The following FBXL4 variants were observed in gnomAD, a reference collection of about 807,000 sequenced individuals.
FBXL4 encodes F-box and leucine rich repeat protein 4, also known as F-box/LRR-repeat protein 4.
FBXL4 carries 40 observed loss-of-function variants against 58.9 expected under a neutral mutation model. The observed-to-expected ratio is 0.68, with a 90% CI of 0.53 to 0.88. The LOEUF is 0.88. Among genes scored for constraint, FBXL4 ranks in the 40% least tolerant of loss-of-function variants. The probability of loss-of-function intolerance (pLI) is 0.00; values close to 1 mark genes in which losing one functional copy is unlikely to be tolerated. For synonymous variants in FBXL4, 263 were observed against 265.5 expected, an observed-to-expected ratio of 0.99 and a Z score of 0.09; for missense variants, 676 against 734.4, an observed-to-expected ratio of 0.92 and a Z score of 0.92.
chr6:98,942,857 G>A (rs905469719), intron 1 of FBXL4, among the ~76,000 whole-genome samples: 1 of 152,126 alleles, frequency 6.6e-6, no homozygotes, highest in Admixed American at 6.5e-5. Context: ...AAAAGAGTCA[G>A]TTATAGATGG....
rs991215062 is a variant in FBXL4, at chr6:98,875,643, T to C, written c.1474A>G (p.Ile492Val). 1 of 1,614,120 alleles carries C rather than the reference T, an allele frequency of 6.2e-7. No homozygotes were observed. Among genetic ancestry groups the C allele is most frequent in the Non-Finnish European group, 8.5e-7 (1 of 1,179,994 alleles). The change falls in exon 9 of 10, where the codon ATT (isoleucine) becomes GTT (valine). Residue 492 changes from isoleucine to valine, a missense_variant. Coordinates refer to ENST00000369244, the MANE Select transcript of FBXL4 (RefSeq NM_001278716.2). ...AGTTCTGCTATTCCATTCTCAGTAA[T>C]ATTCTTACATCTCCACAGATCCAGG... ...RTLDLWRCKN[I>V]TENGIAELAS...
At chr6:98,880,234 A>G (rs1770802649) in intron 8 of FBXL4, among the ~76,000 whole-genome samples, 2 of 152,224 alleles carry the variant, frequency 1.3e-5, no homozygotes, top group South Asian at 4.1e-4. Flanking sequence ...GCATTTAGGT[A>G]TGACTAACAC....
intron 2 of FBXL4, among the ~76,000 whole-genome samples, chr6:98,933,734 G>A (rs1375536209): frequency 6.6e-6 from 1 of 152,144 alleles, no homozygotes; most frequent in African/African-American, 2.4e-5. Context: ...TCTAGCACAT[G>A]CCAATATATG....
chr6:98,931,947 A>C (rs1773028845), intron 2 of FBXL4, among the ~76,000 whole-genome samples: 1 of 152,238 alleles, frequency 6.6e-6, no homozygotes, highest in African/African-American at 2.4e-5. Flanking sequence ...GTGGTAACCA[A>C]TGAATATCCC....
rs1771780732 is a variant in FBXL4 at position 98,905,641 on chromosome 6, T to C, written c.888A>G (p.Thr296=). 5 of 1,613,732 alleles carry C rather than the reference T, an allele frequency of 3.1e-6. No homozygotes were observed. The highest frequency in any genetic ancestry group is 4.2e-6 in the Non-Finnish European group (5 of 1,179,806). The change falls in exon 6 of 10, where the codon ACA becomes ACG. Residue 296 remains threonine, a synonymous_variant. Transcript: ENST00000369244. ...GTGCTAATCTACACAGGTCTGGTAG[T>C]GTAAGATGATTCAGAATCAGCTGAA... ...ELIQLILNHL[T]LPDLCRLAQT...
intron 1 of FBXL4, among the ~76,000 whole-genome samples, chr6:98,944,325 A>G (rs1205898385): frequency 6.6e-6 from 1 of 152,252 alleles, no homozygotes; most frequent in Non-Finnish European, 1.5e-5. Context: ...GAACCAAATC[A>G]TTAATAGCCA....
chr6:98,880,524 AG>A, intron 8 of FBXL4, 28 bp downstream of exon 8: 1 of 1,577,688 alleles, frequency 6.3e-7, no homozygotes, highest in Non-Finnish European at 8.7e-7. Flanking sequence ...CAAGTAATTG[AG>A]TAGTATAAAG....
At chr6:98,877,767 C>G (rs1361694018) in intron 8 of FBXL4, among the ~76,000 whole-genome samples, 1 of 152,076 alleles carries the variant, frequency 6.6e-6, no homozygotes, top group African/African-American at 2.4e-5. Flanking sequence ...GCAGGTAGGT[C>G]TTAGGATTCT....
chr6:98,945,256 CAG>C (rs1485410002), intron 1 of FBXL4, among the ~76,000 whole-genome samples: 1 of 152,034 alleles, frequency 6.6e-6, no homozygotes. Context: ...ATAATGCCAA[CAG>C]GGGACTGGCT....
At chr6:98,904,569 G>A (rs547638533) in intron 6 of FBXL4, among the ~76,000 whole-genome samples, 2 of 152,260 alleles carry the variant, frequency 1.3e-5, no homozygotes, top group South Asian at 4.1e-4. Flanking sequence ...AACCACTGTT[G>A]TAGAATGTAC....
At chr6:98,928,354 G>A (rs1181138663) in intron 2 of FBXL4, among the ~76,000 whole-genome samples, 2 of 151,498 alleles carry the variant, frequency 1.3e-5, no homozygotes, top group East Asian at 1.9e-4. Flanking sequence ...TCGAGACAGG[G>A]TGTCTCTCTT....
Position 98,874,238 on chromosome 6 carries a change from C to T in FBXL4, c.*40G>A, listed in dbSNP as rs1430444246. The T allele has an allele frequency of 6.8e-7, 1 of 1,461,454 alleles. No individual in the cohort carries two copies. Among genetic ancestry groups the T allele is most frequent in the African/African-American group, 1.5e-5 (1 of 68,904 alleles). The allele number at this position is 1,461,454 out of a possible 1,614,324, so 90.5% of individuals were successfully genotyped here. A position where few individuals can be genotyped will look rare whatever the true frequency, so the allele number is the denominator to read the frequency against. ...CAAAACCAATCCCAAAATTAAACCCCAACAAAGCACATTAATTTTAATACA... is the reference window on the plus strand; with the variant it reads ...CAAAACCAATCCCAAAATTAAACCCTAACAAAGCACATTAATTTTAATACA... On this transcript the variant is annotated 3_prime_UTR_variant, in exon 10 of 10. Transcript: ENST00000369244.
At chr6:98,933,860 A>T (rs1222947568) in intron 2 of FBXL4, among the ~76,000 whole-genome samples, 1 of 152,236 alleles carries the variant, frequency 6.6e-6, no homozygotes, top group African/African-American at 2.4e-5. Flanking sequence ...CCTAAGGCAC[A>T]TGTAAACCAA....
chr6:98,910,579 C>G (rs1420765487), intron 5 of FBXL4, among the ~76,000 whole-genome samples: 1 of 151,962 alleles, frequency 6.6e-6, no homozygotes, highest in Non-Finnish European at 1.5e-5. Flanking sequence ...ATGGCATGAA[C>G]CCAGGAGGCG....
intron 7 of FBXL4, among the ~76,000 whole-genome samples, chr6:98,892,093 G>A (rs980173263): frequency 1.3e-5 from 2 of 152,296 alleles, no homozygotes; most frequent in East Asian, 1.9e-4. Flanking sequence ...ATAGCCTAGA[G>A]ACACATACCA....
chr6:98,878,145 T>C (rs1770720403), intron 8 of FBXL4, among the ~76,000 whole-genome samples: 1 of 152,152 alleles, frequency 6.6e-6, no homozygotes, highest in Admixed American at 6.5e-5. Context: ...ATATAATAGA[T>C]CACAATCACC....
chr6:98,920,743 GAAT>G (rs1054160564), intron 4 of FBXL4, among the ~76,000 whole-genome samples: 15 of 151,182 alleles, frequency 9.9e-5, no homozygotes, highest in African/African-American at 3.6e-4. Flanking sequence ...ACTAAAGCCA[GAAT>G]AATAAAAACT....
At chr6:98,910,635 C>A (rs969512281) in intron 5 of FBXL4, among the ~76,000 whole-genome samples, 1 of 148,708 alleles carries the variant, frequency 6.7e-6, no homozygotes, top group Admixed American at 6.7e-5. Context: ...CCAGCCTGGG[C>A]AACAGAGCGA....
chr6:98,905,374 G>A (rs1296467745), intron 6 of FBXL4, 52 bp downstream of exon 6: 2 of 1,598,914 alleles, frequency 1.3e-6, no homozygotes, highest in African/African-American at 1.3e-5. Context: ...TACATAATAA[G>A]TATAACCTGC....
Sources: allele counts gnomAD v4.1 joint callset (sites outside exome capture counted in the v4.1 genomes callset), GRCh38; gene constraint gnomAD v4.1.1; transcripts MANE v1.5; gene names NCBI Gene and HGNC (gene_info 2026-07-23, HGNC 2026-07-21).